The following DENND1A variants were observed in gnomAD, a reference collection of about 807,000 sequenced individuals.
DENND1A encodes DENN domain-containing protein 1A.
A neutral mutation model predicts 113.7 loss-of-function variants in DENND1A; 51 were observed. That is an observed-to-expected ratio of 0.45 (90% CI 0.36 to 0.57). The LOEUF is 0.57. DENND1A is among the 20% of genes least tolerant of loss of function. The probability of loss-of-function intolerance (pLI) is 0.00; values close to 1 mark genes in which losing one functional copy is unlikely to be tolerated. For missense variants in DENND1A, 1,258 were observed against 1,395.9 expected, an observed-to-expected ratio of 0.90 and a Z score of 1.57; for synonymous variants, 565 against 570.8, an observed-to-expected ratio of 0.99 and a Z score of 0.14.
At chr9:123,743,582 C>A (rs2069204995) in intron 5 of DENND1A, among the ~76,000 whole-genome samples, 1 of 150,762 alleles carries the variant, frequency 6.6e-6, no homozygotes. Flanking sequence ...AACTACAAAA[C>A]TTAGCTGAGC....
At chr9:123,748,748 T>C (rs2131265553) in intron 5 of DENND1A, among the ~76,000 whole-genome samples, 1 of 152,340 alleles carries the variant, frequency 6.6e-6, no homozygotes, top group Non-Finnish European at 1.5e-5. Flanking sequence ...GGAAAGTGGC[T>C]GGCTTGCAGG....
chr9:123,460,622 C>T (rs2048452324), intron 13 of DENND1A, among the ~76,000 whole-genome samples: 1 of 152,194 alleles, frequency 6.6e-6, no homozygotes, highest in Admixed American at 6.5e-5. Context: ...CTTTCTAACT[C>T]CTTCCTATTT....
At chr9:123,860,154 C>T (rs647378) in intron 2 of DENND1A, among the ~76,000 whole-genome samples, 8,097 of 152,224 alleles carry the variant, frequency 0.053, 284 homozygotes, top group Middle Eastern at 0.092. Context: ...TGCAACGTTA[C>T]GTTGTCTCTG....
chr9:123,399,339 G>A (rs2043306834), intron 21 of DENND1A, among the ~76,000 whole-genome samples: 1 of 152,120 alleles, frequency 6.6e-6, no homozygotes, highest in Non-Finnish European at 1.5e-5. Context: ...TGTTCAATGG[G>A]AAAGCTACCA....
At chr9:123,828,315 A>G (rs574873351) in intron 2 of DENND1A, among the ~76,000 whole-genome samples, 1 of 152,264 alleles carries the variant, frequency 6.6e-6, no homozygotes, top group Non-Finnish European at 1.5e-5. Flanking sequence ...AAGTGAACAG[A>G]TAGGTCAGAA....
chr9:123,400,086 A>C (rs1486257785), intron 21 of DENND1A: 3 of 152,228 alleles, frequency 2.0e-5, no homozygotes, highest in Non-Finnish European at 4.4e-5. Context: ...ATAGTAATGG[A>C]AGTAGCCAGT....
At chr9:123,474,943 C>T (rs766157584) in intron 13 of DENND1A, among the ~76,000 whole-genome samples, 4 of 152,300 alleles carry the variant, frequency 2.6e-5, no homozygotes, top group East Asian at 3.9e-4. Flanking sequence ...TCATCTTTTC[C>T]GAGCCTCAGT....
chr9:123,912,284 A>G (rs1022097405), intron 1 of DENND1A, among the ~76,000 whole-genome samples: 1 of 152,200 alleles, frequency 6.6e-6, no homozygotes, highest in Non-Finnish European at 1.5e-5. Context: ...AAAGGCAGAG[A>G]GAGAAGCAGA....
chr9:123,463,136 A>G (rs894119907), intron 13 of DENND1A, among the ~76,000 whole-genome samples: 19 of 152,236 alleles, frequency 1.2e-4, no homozygotes, highest in African/African-American at 3.9e-4. Context: ...ACTGGCTGAT[A>G]GCAGTGTTAA....
chr9:123,756,977 A>G (rs1240502718), intron 5 of DENND1A, among the ~76,000 whole-genome samples: 1 of 152,084 alleles, frequency 6.6e-6, no homozygotes, highest in Admixed American at 6.5e-5. Context: ...CACCTACTTA[A>G]CCAAGGCAGA....
At chr9:123,914,513 C>CCA (rs1854692607) in intron 1 of DENND1A, among the ~76,000 whole-genome samples, 1 of 145,516 alleles carries the variant, frequency 6.9e-6, no homozygotes, top group Non-Finnish European at 1.5e-5. Context: ...CCACTGCACT[C>CCA]CAGCCTGGGC....
chr9:123,488,000 C>T (rs1000189832), intron 13 of DENND1A, among the ~76,000 whole-genome samples: 29 of 152,326 alleles, frequency 1.9e-4, no homozygotes, highest in African/African-American at 5.8e-4. Context: ...CCGGAACCAG[C>T]GGCAGAGCAC....
At position 123,382,495 on chromosome 9, in the gene DENND1A, G is replaced by A. The variant is rs984965231; in HGVS notation, c.2150C>T (p.Ser717Phe). ...GAGCAGGGCTGAGGGCTTCTCAGGG[G>A]AGGCAGCTGGGGGCTTGCTGGGGAT... ...MAIPSKPPAA[S>F]PEKPSALLGN... Residue 717 changes from serine to phenylalanine, a missense_variant, in exon 24 of 24, where the codon TCC (serine) becomes TTC (phenylalanine). Physicochemically the swap from Ser to Phe is radical, Grantham distance 155 (BLOSUM62 -2). Coordinates refer to ENST00000394215, the MANE Select transcript of DENND1A (RefSeq NM_001352964.2). 2 of 1,613,896 alleles carry A rather than the reference G, an allele frequency of 1.2e-6. No homozygotes were observed. Among genetic ancestry groups the A allele is most frequent in the African/African-American group, 2.7e-5 (2 of 74,946 alleles).
Position 123,882,435 on chromosome 9 carries a change from T to C in DENND1A, c.18-3414A>G, listed in dbSNP as rs1001687454. Reference sequence around the variant, plus strand: ...CCTGAACTCTACTAGTTGCTGAGACTAACAAAACTTAATGTCATCCTCGAC... The same window carrying C: ...CCTGAACTCTACTAGTTGCTGAGACCAACAAAACTTAATGTCATCCTCGAC... On this transcript the variant is annotated intron_variant, in intron 1 of 23. Transcript: ENST00000394215. Among the ~76,000 whole-genome samples, 8 of 149,098 alleles carry C rather than the reference T, an allele frequency of 5.4e-5. No individual in the cohort carries two copies. The South Asian group carries it at 6.3e-4, about 12-fold the overall frequency.
intron 5 of DENND1A, among the ~76,000 whole-genome samples, chr9:123,688,433 TGAGTA>T (rs779619690): frequency 2.0e-5 from 3 of 152,198 alleles, no homozygotes; most frequent in Non-Finnish European, 4.4e-5. Context: ...AGTCAGGCAC[TGAGTA>T]GAGAGTGGAA....
At chr9:123,655,100 G>C (rs983462798) in intron 8 of DENND1A, among the ~76,000 whole-genome samples, 2 of 152,158 alleles carry the variant, frequency 1.3e-5, no homozygotes, top group African/African-American at 4.8e-5. Flanking sequence ...ACTCTTCCTT[G>C]AGGACACCCG....
intron 5 of DENND1A, among the ~76,000 whole-genome samples, chr9:123,706,518 TC>T (rs2140835193): frequency 6.6e-6 from 1 of 150,954 alleles, no homozygotes; most frequent in South Asian, 2.2e-4. Flanking sequence ...ACGCCTGTAA[TC>T]CCAGCACTTT....
At position 123,764,483 on chromosome 9, in the gene DENND1A, T is replaced by C. The variant is rs945628260; in HGVS notation, c.182+5031A>G. On this transcript the variant is annotated intron_variant, in intron 4 of 23. Transcript: ENST00000394215. This position sits in a 1 kb window ranked among gnomAD's most constrained non-coding sequence, Gnocchi z 4.1. ...AAAGCTTCCTTCCACAAACACACCT[T>C]ACATCTGCCTAGGCCTCAAGTTTCT... Among the ~76,000 whole-genome samples the C allele has an allele frequency of 3.3e-5, 5 of 152,152 alleles. No homozygotes were observed. Among genetic ancestry groups the C allele is most frequent in the African/African-American group, 1.2e-4 (5 of 41,442 alleles).
At chr9:123,457,498 G>A in intron 14 of DENND1A, 63 bp from the exon 15 acceptor site, 1 of 1,343,778 alleles carries the variant, frequency 7.4e-7, no homozygotes, top group South Asian at 1.2e-5. Flanking sequence ...AAACCATTCA[G>A]CTGGGCACCT....
Sources: gnomAD v4.1 joint callset for allele counts (sites outside exome capture counted in the v4.1 genomes callset) on GRCh38, gnomAD v4.1.1 for gene constraint, Gnocchi (gnomAD v3.1) non-coding constraint, MANE v1.5 for transcripts, NCBI Gene and HGNC (gene_info 2026-07-23, HGNC 2026-07-21) for gene names.